Variants in CDH13 observed in about 807,000 individuals in gnomAD.
CDH13 encodes the protein cadherin-13.
CDH13 carries 24 observed loss-of-function variants against 63.8 expected under a neutral mutation model. The ratio of observed to expected loss-of-function variants is 0.38; its 90% CI spans 0.27 to 0.53. CDH13 has a LOEUF of 0.53. Ranked by LOEUF, CDH13 falls within the 20% of genes least tolerant of loss-of-function variation. The pLI, the probability that CDH13 is intolerant of heterozygous loss-of-function variation, is 0.85. For missense variants in CDH13, 1,049 were observed against 903.1 expected (o/e 1.16, Z -2.07); for synonymous variants, 503 against 355.3 (o/e 1.42, Z -4.67).
intron 7 of CDH13, among the ~76,000 whole-genome samples, chr16:83,571,975 G>C (rs1238055847): frequency 6.6e-6 from 1 of 152,054 alleles, no homozygotes; most frequent in Non-Finnish European, 1.5e-5. Flanking sequence ...TTAACATTCT[G>C]AGCCTCAGTT....
At chr16:83,535,815 A>G (rs1233695124) in intron 7 of CDH13, among the ~76,000 whole-genome samples, 1 of 151,558 alleles carries the variant, frequency 6.6e-6, no homozygotes, top group African/African-American at 2.4e-5. Context: ...AAGCAAGAGA[A>G]AAAGAAGGAA....
intron 1 of CDH13, among the ~76,000 whole-genome samples, chr16:82,630,680 A>C (rs777101432): frequency 2.0e-5 from 3 of 152,250 alleles, no homozygotes; most frequent in Non-Finnish European, 4.4e-5. Context: ...TAGGTTCTTG[A>C]AAACATCCTT....
chr16:82,718,782 C>T (rs983572666), intron 1 of CDH13, among the ~76,000 whole-genome samples: 3 of 152,030 alleles, frequency 2.0e-5, no homozygotes, highest in African/African-American at 4.8e-5. Flanking sequence ...AAGACCCAGC[C>T]CCATGAATGA....
At chr16:83,733,055 C>T (rs1284841875) in intron 10 of CDH13, among the ~76,000 whole-genome samples, 1 of 152,198 alleles carries the variant, frequency 6.6e-6, no homozygotes, top group Non-Finnish European at 1.5e-5. Flanking sequence ...ATACGCATCC[C>T]AAGGGCAGGA....
In CDH13 at chr16:83,132,860, T is replaced by G. The variant is rs117220764; in HGVS notation, c.483+7359T>G. 1.0e-3 allele frequency among the ~76,000 whole-genome samples: 157 copies of G among 152,332 alleles called. 1 individual carries two copies. The highest frequency in any genetic ancestry group is 1.9e-3 in the Non-Finnish European group (128 of 68,024). On this transcript the variant is annotated intron_variant, in intron 4 of 13. Transcript: ENST00000567109. ...CAGTGCTCAAAAATTCTTCTTGAGA[T>G]GAACATCACAGTTTATTTCTACATT...
intron 8 of CDH13, among the ~76,000 whole-genome samples, chr16:83,603,033 T>C (rs1389801063): frequency 6.6e-6 from 1 of 152,220 alleles, no homozygotes; most frequent in Non-Finnish European, 1.5e-5. Context: ...GCCCAGGAGC[T>C]TATAAATAAC....
chr16:83,547,335 G>A (rs1021852290), intron 7 of CDH13, among the ~76,000 whole-genome samples: 2 of 152,190 alleles, frequency 1.3e-5, no homozygotes, highest in African/African-American at 4.8e-5. Flanking sequence ...AGTTTCAGAG[G>A]TACATGTGCA....
At chr16:83,329,811 A>G (rs1249072426) in intron 5 of CDH13, among the ~76,000 whole-genome samples, 1 of 152,214 alleles carries the variant, frequency 6.6e-6, no homozygotes, top group Non-Finnish European at 1.5e-5. Context: ...TTCAGTTAAT[A>G]TAATGTCTTC....
At chr16:83,002,463 A>G (rs995578030) in intron 2 of CDH13, among the ~76,000 whole-genome samples, 1 of 152,238 alleles carries the variant, frequency 6.6e-6, no homozygotes, top group Non-Finnish European at 1.5e-5. Context: ...CAGAACTGCT[A>G]GAGAAAAATT....
chr16:83,208,938 T>C (rs2039257674), intron 4 of CDH13, among the ~76,000 whole-genome samples: 1 of 152,072 alleles, frequency 6.6e-6, no homozygotes, highest in Non-Finnish European at 1.5e-5. Flanking sequence ...CCCTGCAAAT[T>C]ATAAGGATAG....
chr16:83,469,129 G>A (rs77621238), intron 6 of CDH13, among the ~76,000 whole-genome samples: 3,863 of 152,296 alleles, frequency 0.025, 169 homozygotes, highest in African/African-American at 0.087. Flanking sequence ...TTCAGCAGAA[G>A]CAGAAAGTTC....
rs112793750 is a variant in CDH13, at chr16:83,124,288, G to T, written c.367-1097G>T. Among the ~76,000 whole-genome samples, 312 of 152,118 alleles carry T rather than the reference G, an allele frequency of 2.1e-3. 2 individuals are homozygous for T. Among genetic ancestry groups the T allele is most frequent in the African/African-American group, 7.2e-3 (300 of 41,510 alleles). On this transcript the variant is annotated intron_variant, in intron 3 of 13. Transcript: ENST00000567109. ...CTCGAACTCCTGACCTCAGGAGATC[G>T]GCCTGCCCTGGCCTCCCAAAGTGCT...
chr16:82,842,678 C>G (rs916380173), intron 1 of CDH13, among the ~76,000 whole-genome samples: 2 of 151,856 alleles, frequency 1.3e-5, no homozygotes, highest in Non-Finnish European at 2.9e-5. Flanking sequence ...GGGGATGATT[C>G]AAGCACATTA....
chr16:83,295,680 G>T (rs2089575183), intron 5 of CDH13, among the ~76,000 whole-genome samples: 1 of 152,114 alleles, frequency 6.6e-6, no homozygotes, highest in Admixed American at 6.5e-5. Flanking sequence ...TATAAATGTT[G>T]GCAAGGATGT....
intron 3 of CDH13, among the ~76,000 whole-genome samples, chr16:83,072,644 C>T (rs916822878): frequency 6.6e-5 from 10 of 152,154 alleles, no homozygotes; most frequent in African/African-American, 2.4e-4. Flanking sequence ...GTTCTGGGTC[C>T]CATTTGGGAA....
chr16:82,664,623 CT>C (rs896497169), intron 1 of CDH13, among the ~76,000 whole-genome samples: 9 of 152,134 alleles, frequency 5.9e-5, no homozygotes, highest in African/African-American at 2.2e-4. Context: ...TGTGTGTTTC[CT>C]TAAAACAGCC....
chr16:83,528,418 G>T (rs1186242702), intron 7 of CDH13, among the ~76,000 whole-genome samples: 3 of 152,134 alleles, frequency 2.0e-5, no homozygotes, highest in African/African-American at 7.2e-5. Context: ...CAGTTGGGCG[G>T]TCTGGATGGG....
intron 1 of CDH13, among the ~76,000 whole-genome samples, chr16:82,646,838 C>A (rs752250322): frequency 1.3e-5 from 2 of 152,016 alleles, no homozygotes; most frequent in Non-Finnish European, 2.9e-5. Flanking sequence ...GTTATAAGCT[C>A]GAGGGAAGCC....
At chr16:82,857,675 T>A (rs2151164913) in intron 1 of CDH13, among the ~76,000 whole-genome samples, 1 of 152,344 alleles carries the variant, frequency 6.6e-6, no homozygotes, top group African/African-American at 2.4e-5. Context: ...GCAAAAGGAA[T>A]AAGAAACTGG....
Sources: allele counts gnomAD v4.1 joint callset (sites outside exome capture counted in the v4.1 genomes callset), GRCh38; gene constraint gnomAD v4.1.1; transcripts MANE v1.5; gene names NCBI Gene and HGNC (gene_info 2026-07-23, HGNC 2026-07-21).